Variants in HECW1 observed in about 807,000 individuals in gnomAD.
HECW1 encodes the protein HECT, C2 and WW domain containing E3 ubiquitin protein ligase 1.
Under a neutral mutation model 182.3 loss-of-function variants are expected in HECW1, and 61 were observed. The observed-to-expected ratio is 0.33, with a 90% CI of 0.27 to 0.41. The LOEUF (loss-of-function observed/expected upper bound fraction) is 0.41. Ranked by LOEUF, HECW1 falls within the 10% of genes least tolerant of loss-of-function variation. The pLI is 1.00. For synonymous variants in HECW1, 859 were observed against 832.6 expected (o/e 1.03, Z -0.55); for missense variants, 1,739 against 2,108.9 (o/e 0.82, Z 3.44).
At chr7:43,283,311 G>A (rs1001016104) in intron 3 of HECW1, among the ~76,000 whole-genome samples, 3 of 152,076 alleles carry the variant, frequency 2.0e-5, no homozygotes, top group Admixed American at 6.5e-5. Context: ...TTTTTCAGAA[G>A]CTCCATGAAG....
In HECW1 at chr7:43,556,952, G is replaced by A. The variant is rs372199379; in HGVS notation, c.4709+2162G>A. Among the ~76,000 whole-genome samples the A allele has an allele frequency of 6.6e-5, 10 of 152,032 alleles. No individual in the cohort carries two copies. The East Asian group carries it at 7.7e-4, about 12-fold the overall frequency. On this transcript the variant is annotated intron_variant, in intron 29 of 29. Coordinates refer to ENST00000395891, the MANE Select transcript of HECW1 (RefSeq NM_015052.5). The stretch of plus-strand genomic sequence containing the variant: ...GAGGGCTGCTGCACCACAAGCCCCC[G>A]AGATGGTTTCTTGGGGAAGTAGGGA...
intron 3 of HECW1, among the ~76,000 whole-genome samples, chr7:43,288,828 T>C (rs774497500): frequency 6.6e-6 from 1 of 152,220 alleles, no homozygotes; most frequent in Non-Finnish European, 1.5e-5. Flanking sequence ...TCACCCACTG[T>C]TGGTAATTCA....
At chr7:43,145,178 G>C (rs926478837) in intron 2 of HECW1, among the ~76,000 whole-genome samples, 27 of 152,086 alleles carry the variant, frequency 1.8e-4, no homozygotes, top group African/African-American at 6.0e-4. Flanking sequence ...TTGAGATATG[G>C]GTTGATTGGA....
intron 14 of HECW1, among the ~76,000 whole-genome samples, chr7:43,464,476 G>T (rs1261038129): frequency 6.6e-6 from 1 of 151,950 alleles, no homozygotes. Flanking sequence ...TAATCAAAAG[G>T]CATGAGACTG....
chr7:43,113,446 T>A (rs1369139464), intron 1 of HECW1, among the ~76,000 whole-genome samples: 1 of 152,150 alleles, frequency 6.6e-6, no homozygotes, highest in Non-Finnish European at 1.5e-5. Flanking sequence ...CCGCACGGGC[T>A]CGCCGGTGCT....
At chr7:43,522,208 A>G (rs751180388) in intron 24 of HECW1, 3 of 152,244 alleles carry the variant, frequency 2.0e-5, no homozygotes, top group Non-Finnish European at 2.9e-5. Flanking sequence ...ACACTCACAT[A>G]TTAGACTTCT....
At chr7:43,131,687 G>T (rs1255473736) in intron 2 of HECW1, among the ~76,000 whole-genome samples, 1 of 152,208 alleles carries the variant, frequency 6.6e-6, no homozygotes, top group Non-Finnish European at 1.5e-5. Flanking sequence ...GAAGGTGCCA[G>T]ACTCCAACTT....
At chr7:43,159,184 CT>C (rs11455925) in intron 2 of HECW1, among the ~76,000 whole-genome samples, 10 of 149,454 alleles carry the variant, frequency 6.7e-5, no homozygotes, top group Admixed American at 1.3e-4. Context: ...TGTTCATTTT[CT>C]TTTTTTTTAT....
chr7:43,162,777 G>A (rs1328789922), intron 2 of HECW1: 1 of 152,178 alleles, frequency 6.6e-6, no homozygotes, highest in Non-Finnish European at 1.5e-5. Flanking sequence ...CCATACTACT[G>A]TAATAATAAC....
chr7:43,165,762 CAAAT>C (rs965999455), intron 2 of HECW1, among the ~76,000 whole-genome samples: 2 of 152,134 alleles, frequency 1.3e-5, no homozygotes, highest in Admixed American at 6.5e-5. Flanking sequence ...TATATTAAGA[CAAAT>C]AAAGTTGAGA....
At chr7:43,318,411 G>C (rs28632040) in intron 4 of HECW1, among the ~76,000 whole-genome samples, 15,127 of 152,204 alleles carry the variant, frequency 0.099, 2,348 homozygotes, top group African/African-American at 0.33. Context: ...TGAATAAAAA[G>C]ACAGGCAAAT....
intron 5 of HECW1, among the ~76,000 whole-genome samples, chr7:43,347,966 C>G (rs561037681): frequency 6.6e-6 from 1 of 152,068 alleles, no homozygotes; most frequent in Non-Finnish European, 1.5e-5. Flanking sequence ...TCAAGGACAT[C>G]GGTATGTAGT....
At chr7:43,124,745 A>G (rs1318679589) in intron 2 of HECW1, among the ~76,000 whole-genome samples, 2 of 152,202 alleles carry the variant, frequency 1.3e-5, no homozygotes, top group Admixed American at 1.3e-4. Flanking sequence ...CTTCAAGCCA[A>G]TTATTAACAG....
intron 8 of HECW1, among the ~76,000 whole-genome samples, chr7:43,433,218 A>G (rs11765875): frequency 0.24 from 37,175 of 152,272 alleles, 4,926 homozygotes; most frequent in Non-Finnish European, 0.31. Flanking sequence ...TTTACAGATC[A>G]TTGGACTAAA....
rs549886199 is a variant in HECW1 at position 43,444,803 on chromosome 7, C to T, written c.1631C>T (p.Thr544Met). The T allele has an allele frequency of 1.2e-6, 2 of 1,614,086 alleles. No individual in the cohort carries two copies. The highest frequency in any genetic ancestry group is 1.1e-5 in the South Asian group (1 of 91,088). Residue 544 changes from threonine (T) to methionine (M), a missense_variant, in exon 11 of 30, where the codon ACG becomes ATG. Transcript: ENST00000395891. The surrounding 1 kb of genome is among the most constrained non-coding windows in gnomAD (Gnocchi z 4.3). Reference sequence around the variant, plus strand: ...TCCTTGCCTGTGTCCGAGCTGGAGACGGTGATCGCGTCAGCCTGCGGGGAC... The same window carrying T: ...TCCTTGCCTGTGTCCGAGCTGGAGATGGTGATCGCGTCAGCCTGCGGGGAC... Reference protein sequence around the residue: ...PCSLPVSELETVIASACGDPE... With the variant: ...PCSLPVSELEMVIASACGDPE...
chr7:43,326,166 C>T (rs1810755622), intron 5 of HECW1, among the ~76,000 whole-genome samples: 2 of 152,212 alleles, frequency 1.3e-5, no homozygotes, highest in Admixed American at 1.3e-4. Context: ...CCTTCAACCT[C>T]TCTTACAAGG....
At chr7:43,371,745 C>G (rs1381001413) in intron 6 of HECW1, among the ~76,000 whole-genome samples, 1 of 152,184 alleles carries the variant, frequency 6.6e-6, no homozygotes, top group Non-Finnish European at 1.5e-5. Flanking sequence ...GGATGATACA[C>G]TCTAACGGCA....
chr7:43,315,065 G>T (rs879362162), intron 4 of HECW1, among the ~76,000 whole-genome samples: 1 of 152,220 alleles, frequency 6.6e-6, no homozygotes, highest in Non-Finnish European at 1.5e-5. Context: ...GGCCAGGGTT[G>T]TGATGCTTTC....
At chr7:43,270,880 G>C (rs931410562) in intron 3 of HECW1, among the ~76,000 whole-genome samples, 2 of 152,098 alleles carry the variant, frequency 1.3e-5, no homozygotes, top group South Asian at 4.1e-4. Flanking sequence ...TAGTTATAAA[G>C]TACCTAGAGA....
Sources: allele counts gnomAD v4.1 joint callset (sites outside exome capture counted in the v4.1 genomes callset), GRCh38; gene constraint gnomAD v4.1.1; non-coding constraint Gnocchi (gnomAD v3.1); transcripts MANE v1.5; gene names NCBI Gene and HGNC (gene_info 2026-07-23, HGNC 2026-07-21).